FAM13A: variants seen among roughly 807,000 people sequenced by gnomAD.
The protein encoded by FAM13A is protein FAM13A.
In FAM13A, 76 loss-of-function variants were observed where a neutral mutation model predicts 129.6. The ratio of observed to expected loss-of-function variants is 0.59; its 90% CI spans 0.49 to 0.71. FAM13A has a LOEUF of 0.71. Among genes scored for constraint, FAM13A ranks in the 30% least tolerant of loss-of-function variants. The probability of loss-of-function intolerance (pLI) is 0.00; values close to 1 mark genes in which losing one functional copy is unlikely to be tolerated. For synonymous variants in FAM13A, 443 were observed against 449.9 expected (o/e 0.98, Z 0.20); for missense variants, 1,108 against 1,249.3 (o/e 0.89, Z 1.70).
At chr4:88,950,559 C>G (rs2148873854) in intron 4 of FAM13A, among the ~76,000 whole-genome samples, 1 of 152,102 alleles carries the variant, frequency 6.6e-6, no homozygotes, top group East Asian at 1.9e-4. Context: ...TACAGAAAAG[C>G]CATCAATAGT....
At chr4:88,992,590 T>C (rs1445754775) in intron 3 of FAM13A, among the ~76,000 whole-genome samples, 1 of 152,182 alleles carries the variant, frequency 6.6e-6, no homozygotes, top group Non-Finnish European at 1.5e-5. Flanking sequence ...GAATTTGATA[T>C]ATATTTCTCA....
At chr4:88,945,986 G>GTATATATATA (rs1309475381) in intron 4 of FAM13A, among the ~76,000 whole-genome samples, 9 of 21,832 alleles carry the variant, frequency 4.1e-4, no homozygotes, top group African/African-American at 2.2e-3. Context: ...GTGTGTGTGT[G>GTATATATATA]TGTGTATATA....
chr4:88,843,258 G>A (rs1196451650), intron 7 of FAM13A, among the ~76,000 whole-genome samples: 3 of 152,186 alleles, frequency 2.0e-5, no homozygotes, highest in South Asian at 2.1e-4. Context: ...TGAAGCGCAC[G>A]CTGTGCTTGT....
intron 21 of FAM13A, among the ~76,000 whole-genome samples, chr4:88,733,839 G>T (rs1199543809): frequency 1.3e-5 from 2 of 152,190 alleles, no homozygotes; most frequent in African/African-American, 4.8e-5. Context: ...TTACAAATAA[G>T]AACTTAACGA....
Position 88,747,702 on chromosome 4 carries a change from C to T in FAM13A, c.2311G>A (p.Ala771Thr). ...TTCCTCTGAATAGATTCCAATGTGG[C>T]TTCAACACTGGGCTTTATTGCTTTA... ...VDKAIKPSVE[A>T]TLESIQRKLQ... The change falls in exon 18 of 24, where the codon GCC (alanine) becomes ACC (threonine). Residue 771 changes from alanine (A) to threonine (T), a missense_variant. Transcript: ENST00000264344. 8 of 1,614,172 alleles carry T rather than the reference C, an allele frequency of 5.0e-6. No individual in the cohort carries two copies. The highest frequency in any genetic ancestry group is 6.8e-6 in the Non-Finnish European group (8 of 1,180,008).
At chr4:88,729,536 C>A (rs1737180745) in intron 23 of FAM13A, 1 of 152,192 alleles carries the variant, frequency 6.6e-6, no homozygotes, top group South Asian at 2.1e-4. Context: ...TCATACCCTG[C>A]CTTGTTCTAG....
intron 4 of FAM13A, among the ~76,000 whole-genome samples, chr4:88,946,000 A>ATGTG (rs1406943750): frequency 0.47 from 34,256 of 72,414 alleles, 6,441 homozygotes; most frequent in East Asian, 0.51. Flanking sequence ...GTATATATAT[A>ATGTG]TATATATATA....
intron 4 of FAM13A, among the ~76,000 whole-genome samples, chr4:88,966,152 A>T (rs1038047224): frequency 6.6e-6 from 1 of 152,196 alleles, no homozygotes; most frequent in African/African-American, 2.4e-5. Flanking sequence ...TTGACCACTA[A>T]TGTGATTTTT....
intron 4 of FAM13A, among the ~76,000 whole-genome samples, chr4:88,958,446 T>C (rs1488778399): frequency 6.6e-6 from 1 of 152,218 alleles, no homozygotes; most frequent in Non-Finnish European, 1.5e-5. Flanking sequence ...CAGCTCCAGC[T>C]CCAGCCATAG....
intron 6 of FAM13A, among the ~76,000 whole-genome samples, chr4:88,856,186 A>T (rs1160433993): frequency 2.0e-5 from 3 of 151,908 alleles, no homozygotes; most frequent in Non-Finnish European, 4.4e-5. Flanking sequence ...AAGTACAAAA[A>T]CTCTAAGTGT....
chr4:88,912,855 C>A (rs1194832975), intron 5 of FAM13A, among the ~76,000 whole-genome samples: 1 of 152,100 alleles, frequency 6.6e-6, no homozygotes, highest in East Asian at 1.9e-4. Context: ...GTGGCACATT[C>A]CTGTGGTCCT....
At chr4:88,866,208 CA>C (rs1319293152) in intron 6 of FAM13A, among the ~76,000 whole-genome samples, 1 of 151,986 alleles carries the variant, frequency 6.6e-6, no homozygotes, top group Non-Finnish European at 1.5e-5. Flanking sequence ...CACCATGGCC[CA>C]GCTAATTTTT....
chr4:88,801,365 T>C (rs753651841), intron 8 of FAM13A, among the ~76,000 whole-genome samples: 4 of 152,182 alleles, frequency 2.6e-5, no homozygotes, highest in Non-Finnish European at 5.9e-5. Context: ...AATAAATCCA[T>C]CTGATGCTCC....
chr4:88,754,574 C>T (rs1197425500), intron 14 of FAM13A, among the ~76,000 whole-genome samples: 1 of 152,122 alleles, frequency 6.6e-6, no homozygotes, highest in Non-Finnish European at 1.5e-5. Flanking sequence ...CATTTTTCTG[C>T]TCAGCTGAGC....
intron 5 of FAM13A, among the ~76,000 whole-genome samples, chr4:88,911,602 C>CTGTTGTTG (rs949306671): frequency 1.3e-5 from 2 of 152,108 alleles, no homozygotes; most frequent in Non-Finnish European, 2.9e-5. Context: ...TCTGCCTTCC[C>CTGTTGTTG]TGTTGTTGCA....
chr4:88,877,642 C>G (rs1010133789), intron 6 of FAM13A, among the ~76,000 whole-genome samples: 3 of 152,284 alleles, frequency 2.0e-5, no homozygotes, highest in African/African-American at 7.2e-5. Context: ...CTCTTTGTTT[C>G]TTTCCTCTAC....
At chr4:88,994,503 T>C (rs1763290012) in intron 3 of FAM13A, among the ~76,000 whole-genome samples, 2 of 152,176 alleles carry the variant, frequency 1.3e-5, no homozygotes, top group Admixed American at 1.3e-4. Context: ...GGTACAAATG[T>C]GCCTATTAGG....
At chr4:89,048,784 C>T (rs1771184851) in intron 1 of FAM13A, among the ~76,000 whole-genome samples, 1 of 152,168 alleles carries the variant, frequency 6.6e-6, no homozygotes, top group Non-Finnish European at 1.5e-5. Flanking sequence ...AAGTGGGTCA[C>T]TTTTAAGTGA....
At chr4:88,854,550 T>C (rs182941041) in intron 6 of FAM13A, among the ~76,000 whole-genome samples, 1 of 152,362 alleles carries the variant, frequency 6.6e-6, no homozygotes, top group East Asian at 1.9e-4. Context: ...CATTTCTTCA[T>C]TTATTTGATC....
Sources: gnomAD v4.1 joint callset for allele counts (sites outside exome capture counted in the v4.1 genomes callset) on GRCh38, gnomAD v4.1.1 for gene constraint, MANE v1.5 for transcripts, NCBI Gene and HGNC (gene_info 2026-07-23, HGNC 2026-07-21) for gene names.